Variants in KCNN2 observed in about 807,000 individuals in gnomAD.
KCNN2 encodes small conductance calcium-activated potassium channel protein 2.
KCNN2 carries 24 observed loss-of-function variants against 55.5 expected under a neutral mutation model. The observed-to-expected ratio is 0.43, with a 90% confidence interval of 0.31 to 0.61. The LOEUF (loss-of-function observed/expected upper bound fraction) is 0.61. Ranked by LOEUF, KCNN2 falls within the 20% of genes least tolerant of loss-of-function variation. KCNN2 has a pLI of 0.08. For missense variants in KCNN2, 754 were observed against 853.6 expected (o/e 0.88, Z 1.45); for synonymous variants, 431 against 336.1 (o/e 1.28, Z -3.09).
intron 1 of KCNN2, among the ~76,000 whole-genome samples, chr5:114,070,605 G>A (rs1399418329): frequency 3.9e-5 from 6 of 152,170 alleles, no homozygotes; most frequent in Middle Eastern, 3.2e-3. Flanking sequence ...GTCCAGAAAC[G>A]TGTGTTGCCA....
intron 5 of KCNN2, chr5:114,473,372 T>G (rs1032772861): frequency 3.6e-6 from 2 of 562,220 alleles, no homozygotes; most frequent in Non-Finnish European, 3.2e-6. Context: ...AGTCTTGGTA[T>G]TTGGATAAAG....
intron 5 of KCNN2, among the ~76,000 whole-genome samples, chr5:114,476,442 T>C (rs188074641): frequency 1.3e-3 from 201 of 151,990 alleles, no homozygotes; most frequent in African/African-American, 4.8e-3. Context: ...TCCATTTTTT[T>C]TTTTTTTTGG....
chr5:114,455,586 A>T (rs1042634513), intron 3 of KCNN2, among the ~76,000 whole-genome samples: 3 of 152,218 alleles, frequency 2.0e-5, no homozygotes, highest in South Asian at 2.1e-4. Flanking sequence ...TCTCACTTTC[A>T]ATCAAAAACT....
intron 1 of KCNN2, among the ~76,000 whole-genome samples, chr5:114,183,025 G>A (rs1753267854): frequency 1.3e-5 from 2 of 152,014 alleles, no homozygotes; most frequent in Non-Finnish European, 2.9e-5. Context: ...ATCAGATTGA[G>A]GAGAGGAACT....
intron 1 of KCNN2, among the ~76,000 whole-genome samples, chr5:114,131,647 A>C (rs113286876): frequency 2.0e-5 from 3 of 152,146 alleles, no homozygotes; most frequent in Non-Finnish European, 4.4e-5. Context: ...GTATATACCC[A>C]GTAATGGGAT....
intron 2 of KCNN2, among the ~76,000 whole-genome samples, chr5:114,279,197 A>G (rs967943736): frequency 5.3e-5 from 8 of 152,030 alleles, no homozygotes; most frequent in African/African-American, 1.9e-4. Context: ...TATAATTCAC[A>G]TTCAGTCTAT....
chr5:114,198,459 C>CAT (rs979801366), intron 1 of KCNN2, among the ~76,000 whole-genome samples: 2 of 98,898 alleles, frequency 2.0e-5, no homozygotes, highest in African/African-American at 6.6e-5. Flanking sequence ...CATATATATA[C>CAT]ATATACACAC....
At chr5:114,235,762 A>G (rs754734915) in intron 2 of KCNN2, among the ~76,000 whole-genome samples, 3 of 152,300 alleles carry the variant, frequency 2.0e-5, no homozygotes, top group Non-Finnish European at 2.9e-5. Context: ...TTTCCTTACT[A>G]TCTACTTTGA....
At chr5:114,432,264 A>C (rs1759820754) in intron 3 of KCNN2, among the ~76,000 whole-genome samples, 1 of 152,200 alleles carries the variant, frequency 6.6e-6, no homozygotes, top group African/African-American at 2.4e-5. Context: ...TGTTAGGCCC[A>C]CACCCAATAA....
At chr5:114,098,198 C>A (rs1751301700) in intron 1 of KCNN2, among the ~76,000 whole-genome samples, 1 of 152,076 alleles carries the variant, frequency 6.6e-6, no homozygotes, top group South Asian at 2.1e-4. Context: ...TTCATTTGAT[C>A]TACCTGGATA....
At chr5:114,168,180 C>T (rs991218725) in intron 1 of KCNN2, among the ~76,000 whole-genome samples, 5 of 147,960 alleles carry the variant, frequency 3.4e-5, no homozygotes, top group Admixed American at 2.7e-4. Flanking sequence ...TATATACACA[C>T]ACACACACAC....
chr5:114,163,336 G>C (rs1260296441), intron 1 of KCNN2, among the ~76,000 whole-genome samples: 3 of 152,168 alleles, frequency 2.0e-5, no homozygotes, highest in African/African-American at 7.2e-5. Flanking sequence ...TGTTGAATAG[G>C]AGTGGTGAGA....
chr5:114,280,578 T>C (rs1242664244), intron 2 of KCNN2, among the ~76,000 whole-genome samples: 1 of 152,204 alleles, frequency 6.6e-6, no homozygotes, highest in African/African-American at 2.4e-5. Flanking sequence ...CATTTCTTGT[T>C]TTTGTCTGGT....
intron 1 of KCNN2, among the ~76,000 whole-genome samples, chr5:114,132,429 T>G (rs1392657076): frequency 6.6e-6 from 1 of 152,218 alleles, no homozygotes; most frequent in East Asian, 1.9e-4. Flanking sequence ...TTGTCGAAGA[T>G]CAGATGGTTG....
At chr5:114,268,171 C>T (rs1755249567) in intron 2 of KCNN2, among the ~76,000 whole-genome samples, 1 of 152,202 alleles carries the variant, frequency 6.6e-6, no homozygotes, top group African/African-American at 2.4e-5. Context: ...TAGAGGACAA[C>T]ACAAAGAACT....
At chr5:114,159,524 A>C (rs1392717878) in intron 1 of KCNN2, among the ~76,000 whole-genome samples, 4 of 152,118 alleles carry the variant, frequency 2.6e-5, no homozygotes, top group Non-Finnish European at 5.9e-5. Context: ...TCATAAAATG[A>C]GTTAGGAAGG....
At chr5:114,065,827 T>G (rs184626679) in intron 1 of KCNN2, among the ~76,000 whole-genome samples, 1 of 139,854 alleles carries the variant, frequency 7.2e-6, no homozygotes, top group Admixed American at 7.5e-5. Context: ...TAAGAGCTTT[T>G]AGCTATTCTC....
At chr5:114,375,317 T>C (rs561768656) in intron 2 of KCNN2, among the ~76,000 whole-genome samples, 6 of 152,270 alleles carry the variant, frequency 3.9e-5, no homozygotes, top group African/African-American at 1.4e-4. Context: ...AAGTGATGGC[T>C]GTGGGATGTA....
intron 1 of KCNN2, among the ~76,000 whole-genome samples, chr5:114,112,194 T>C (rs1751613047): frequency 6.6e-6 from 1 of 152,142 alleles, no homozygotes; most frequent in Non-Finnish European, 1.5e-5. Context: ...TGGATGAAGC[T>C]GGAAACCATC....
Sources: allele counts gnomAD v4.1 joint callset (sites outside exome capture counted in the v4.1 genomes callset), GRCh38; gene constraint gnomAD v4.1.1; transcripts MANE v1.5; gene names NCBI Gene and HGNC (gene_info 2026-07-23, HGNC 2026-07-21).